The following RAPGEF5 variants were observed in gnomAD, a reference collection of about 807,000 sequenced individuals.
The protein encoded by RAPGEF5 is M-Ras-regulated GEF.
A neutral mutation model predicts 125.2 loss-of-function variants in RAPGEF5; 65 were observed. The observed-to-expected ratio is 0.52, with a 90% confidence interval of 0.43 to 0.64. The LOEUF (loss-of-function observed/expected upper bound fraction) is 0.64, where lower values mean the gene tolerates loss of function less well. RAPGEF5 is among the 30% of genes least tolerant of loss of function. RAPGEF5 has a pLI of 0.00. For missense variants in RAPGEF5, 958 were observed against 1,048.1 expected (o/e 0.91, Z 1.19); for synonymous variants, 391 against 385.9 (o/e 1.01, Z -0.16).
At chr7:22,137,822 T>C (rs1255770165) in intron 21 of RAPGEF5, among the ~76,000 whole-genome samples, 1 of 152,122 alleles carries the variant, frequency 6.6e-6, no homozygotes, top group Non-Finnish European at 1.5e-5. Context: ...CTATTAACAC[T>C]AACAACAAAG....
intron 11 of RAPGEF5, among the ~76,000 whole-genome samples, chr7:22,190,019 C>T (rs7794633): frequency 6.6e-6 from 1 of 152,126 alleles, no homozygotes; most frequent in East Asian, 1.9e-4. Context: ...GAGTGGCTCA[C>T]GCATGTAATC....
In RAPGEF5 at chr7:22,308,433, A is replaced by G; in HGVS notation, c.586T>C (p.Cys196Arg). The change falls in exon 5 of 26, where the codon TGT (cysteine) becomes CGT (arginine). Residue 196 changes from cysteine (C) to arginine (R), a missense_variant. Physicochemically the swap from Cys to Arg is radical, Grantham distance 180 (BLOSUM62 -3). Transcript: ENST00000665637. ...FSSDECSYLY[C>R]EFEREEEWQN... is the part of the protein sequence containing the mutation. ...CATTCTTCTTCTCTTTCAAATTCAC[A>G]GTACAAGTAGCTACATTCATCAGAG... 1 of 1,578,564 alleles carries G rather than the reference A, an allele frequency of 6.3e-7. No individual in the cohort carries two copies. Among genetic ancestry groups the G allele is most frequent in the Non-Finnish European group, 8.6e-7 (1 of 1,160,432 alleles).
chr7:22,226,627 A>T (rs1365816482), intron 8 of RAPGEF5, among the ~76,000 whole-genome samples: 1 of 152,190 alleles, frequency 6.6e-6, no homozygotes, highest in African/African-American at 2.4e-5. Context: ...AAATGTACCT[A>T]ATGGAAAGTG....
chr7:22,295,282 T>C (rs969057895), intron 5 of RAPGEF5, among the ~76,000 whole-genome samples: 2 of 152,180 alleles, frequency 1.3e-5, no homozygotes, highest in African/African-American at 4.8e-5. Context: ...GTTATGCTTA[T>C]AGAAAAAATG....
chr7:22,173,894 TCATGGCATATG>T (rs1349280855), intron 11 of RAPGEF5, among the ~76,000 whole-genome samples: 2 of 152,166 alleles, frequency 1.3e-5, no homozygotes, highest in African/African-American at 4.8e-5. Flanking sequence ...TGCAGCCCAT[TCATGGCATATG>T]CATGCGTCTG....
At chr7:22,323,410 C>G (rs961207825) in intron 1 of RAPGEF5, among the ~76,000 whole-genome samples, 2 of 152,284 alleles carry the variant, frequency 1.3e-5, no homozygotes, top group African/African-American at 4.8e-5. Flanking sequence ...ACAACAGATA[C>G]AACAGAAACA....
chr7:22,343,903 G>GA (rs1288346301), intron 1 of RAPGEF5, among the ~76,000 whole-genome samples: 25 of 148,148 alleles, frequency 1.7e-4, no homozygotes, highest in African/African-American at 3.0e-4. Context: ...GGTGTCTGCG[G>GA]AAAAAAAAAA....
chr7:22,303,538 C>T (rs1407782203), intron 5 of RAPGEF5, among the ~76,000 whole-genome samples: 1 of 152,124 alleles, frequency 6.6e-6, no homozygotes, highest in East Asian at 1.9e-4. Context: ...TAAATGGTTT[C>T]CTTGCATTAT....
rs1782490627 is a variant in RAPGEF5 at position 22,118,949 on chromosome 7, C to T, written c.*3457G>A. The T allele has an allele frequency of 7.4e-6, 1 of 135,732 alleles. No homozygotes were observed. Among genetic ancestry groups the T allele is most frequent in the African/African-American group, 2.7e-5 (1 of 36,812 alleles). The allele number at this position is 135,732 out of a possible 1,614,324, so 8.4% of individuals were successfully genotyped here. Reference sequence around the variant, plus strand: ...ACTGGCCCACTCGCTAAGAAGCAGGCTGAAATTTTAAGGACATGTTTTTGA... The same window carrying T: ...ACTGGCCCACTCGCTAAGAAGCAGGTTGAAATTTTAAGGACATGTTTTTGA... On this transcript the variant is annotated 3_prime_UTR_variant, in exon 26 of 26. Transcript: ENST00000665637.
chr7:22,250,150 C>T (rs996033458), intron 7 of RAPGEF5, among the ~76,000 whole-genome samples: 32 of 152,180 alleles, frequency 2.1e-4, no homozygotes, highest in Admixed American at 3.9e-4. Flanking sequence ...CTTCATTGTA[C>T]GTGCCTTCAT....
chr7:22,233,803 G>C (rs188575666), intron 7 of RAPGEF5, among the ~76,000 whole-genome samples: 83 of 152,238 alleles, frequency 5.5e-4, no homozygotes, highest in Non-Finnish European at 1.0e-3. Flanking sequence ...TGTCAGTCCT[G>C]TATTTATTTC....
chr7:22,351,018 C>A (rs1383472808), intron 1 of RAPGEF5, among the ~76,000 whole-genome samples: 1 of 152,176 alleles, frequency 6.6e-6, no homozygotes, highest in African/African-American at 2.4e-5. Flanking sequence ...CTTCTGGCTG[C>A]CATAAGCAGA....
At chr7:22,271,144 T>C (rs1324439361) in intron 6 of RAPGEF5, among the ~76,000 whole-genome samples, 1 of 152,180 alleles carries the variant, frequency 6.6e-6, no homozygotes, top group Non-Finnish European at 1.5e-5. Context: ...TCAGCAGTTC[T>C]CAAACTTGAC....
chr7:22,229,413 A>C (rs1005041405), intron 8 of RAPGEF5, among the ~76,000 whole-genome samples: 4 of 152,196 alleles, frequency 2.6e-5, no homozygotes, highest in African/African-American at 9.6e-5. Context: ...AGGAATCAGA[A>C]TCCACTTAAC....
At chr7:22,216,139 G>T (rs1785632719) in intron 9 of RAPGEF5, among the ~76,000 whole-genome samples, 1 of 152,118 alleles carries the variant, frequency 6.6e-6, no homozygotes. Context: ...CCCCAGTTCA[G>T]GCTGGCACCT....
chr7:22,168,069 TAATA>T (rs1282508527), intron 11 of RAPGEF5, among the ~76,000 whole-genome samples: 1 of 150,636 alleles, frequency 6.6e-6, no homozygotes, highest in African/African-American at 2.4e-5. Context: ...TATAAAACAG[TAATA>T]AATTATTAGA....
chr7:22,147,500 T>C (rs1223661858), intron 18 of RAPGEF5, among the ~76,000 whole-genome samples: 1 of 152,206 alleles, frequency 6.6e-6, no homozygotes. Flanking sequence ...CATTTACACA[T>C]TTTATTAAAA....
chr7:22,258,164 A>G (rs1471233228), intron 7 of RAPGEF5, among the ~76,000 whole-genome samples: 1 of 152,268 alleles, frequency 6.6e-6, no homozygotes, highest in Non-Finnish European at 1.5e-5. Context: ...TAATAGATGT[A>G]GATACAGATA....
At chr7:22,263,952 A>T (rs2128141181) in intron 7 of RAPGEF5, among the ~76,000 whole-genome samples, 1 of 152,306 alleles carries the variant, frequency 6.6e-6, no homozygotes. Context: ...CTACTATGAT[A>T]GCAAGAAAAA....
Sources: gnomAD v4.1 joint callset for allele counts (sites outside exome capture counted in the v4.1 genomes callset) on GRCh38, gnomAD v4.1.1 for gene constraint, MANE v1.5 for transcripts, NCBI Gene and HGNC (gene_info 2026-07-23, HGNC 2026-07-21) for gene names.